Variants in ITGBL1 observed in about 807,000 individuals in gnomAD.
ITGBL1 encodes integrin beta-like protein 1.
ITGBL1 carries 51 observed loss-of-function variants against 68.5 expected under a neutral mutation model. The ratio of observed to expected loss-of-function variants is 0.74; its 90% CI spans 0.59 to 0.94. ITGBL1 has a LOEUF of 0.94. ITGBL1 is among the 40% of genes least tolerant of loss of function. The pLI, the probability that ITGBL1 is intolerant of heterozygous loss-of-function variation, is 0.00. For synonymous variants in ITGBL1, 209 were observed against 227.3 expected (o/e 0.92, Z 0.72); for missense variants, 649 against 647.4 (o/e 1.00, Z -0.03).
intron 2 of ITGBL1, among the ~76,000 whole-genome samples, chr13:101,549,348 G>A (rs2049881870): frequency 6.6e-6 from 1 of 151,830 alleles, no homozygotes; most frequent in Non-Finnish European, 1.5e-5. Flanking sequence ...GAAAGCATAA[G>A]AGAATTTGAT....
chr13:101,593,288 TAGAGA>T (rs957755225), intron 6 of ITGBL1, among the ~76,000 whole-genome samples: 4 of 151,674 alleles, frequency 2.6e-5, no homozygotes, highest in Admixed American at 6.6e-5. Context: ...GCAAGGGAGG[TAGAGA>T]AGAGAACACT....
chr13:101,602,715 A>G (rs2139338579), intron 7 of ITGBL1, among the ~76,000 whole-genome samples: 1 of 152,030 alleles, frequency 6.6e-6, no homozygotes, highest in East Asian at 1.9e-4. Context: ...GTTACCCTAT[A>G]GCAGCCACTC....
intron 2 of ITGBL1, among the ~76,000 whole-genome samples, chr13:101,522,081 G>T (rs543868629): frequency 6.6e-6 from 1 of 151,806 alleles, no homozygotes; most frequent in African/African-American, 2.4e-5. Flanking sequence ...TGAGTGCTCT[G>T]GTGTCTTCCT....
chr13:101,567,558 C>T, intron 2 of ITGBL1, 141 bp from the exon 3 acceptor site: 2 of 609,312 alleles, frequency 3.3e-6, no homozygotes, highest in South Asian at 3.2e-5. Context: ...ATAGCATTAC[C>T]CCTCAGCCAC....
At chr13:101,519,091 G>T (rs1254920965) in intron 2 of ITGBL1, among the ~76,000 whole-genome samples, 2 of 152,074 alleles carry the variant, frequency 1.3e-5, no homozygotes, top group South Asian at 2.1e-4. Context: ...TCAGTGGTAC[G>T]CATTAAAAAT....
At chr13:101,524,790 G>A (rs920987217) in intron 2 of ITGBL1, among the ~76,000 whole-genome samples, 1 of 151,858 alleles carries the variant, frequency 6.6e-6, no homozygotes, top group African/African-American at 2.4e-5. Context: ...TACGCCAACT[G>A]ACGTATAGCT....
At chr13:101,700,726 C>T (rs1469953624) in intron 8 of ITGBL1, among the ~76,000 whole-genome samples, 1 of 152,192 alleles carries the variant, frequency 6.6e-6, no homozygotes, top group Admixed American at 6.5e-5. Flanking sequence ...TCTTCAAACA[C>T]GTTGGCCTTC....
chr13:101,453,430 A>G (rs549825347), intron 1 of ITGBL1, among the ~76,000 whole-genome samples: 7 of 152,352 alleles, frequency 4.6e-5, no homozygotes, highest in African/African-American at 1.4e-4. Flanking sequence ...CTTTCTATAG[A>G]TTCACGTTTT....
chr13:101,694,449 A>G (rs920930554), intron 8 of ITGBL1, among the ~76,000 whole-genome samples: 55 of 151,734 alleles, frequency 3.6e-4, no homozygotes, highest in African/African-American at 1.3e-3. Context: ...TTTGAGACAG[A>G]GTCTCACTCT....
At chr13:101,611,706 G>A (rs950223577) in intron 7 of ITGBL1, among the ~76,000 whole-genome samples, 2 of 151,964 alleles carry the variant, frequency 1.3e-5, no homozygotes, top group East Asian at 1.9e-4. Flanking sequence ...AACCCTTCTC[G>A]GTGACCTTGA....
At chr13:101,717,239 G>A (rs934145267), downstream of ITGBL1, 8 of 152,002 alleles carry the variant, frequency 5.3e-5, no homozygotes, top group Non-Finnish European at 1.0e-4. Context: ...ATTATTTTAA[G>A]AGAACATTTA....
chr13:101,607,393 C>T (rs1173535670), intron 7 of ITGBL1, among the ~76,000 whole-genome samples: 3 of 151,986 alleles, frequency 2.0e-5, no homozygotes, highest in Non-Finnish European at 2.9e-5. Flanking sequence ...ATATATTAAA[C>T]ATATTTCCTG....
rs1239939780 is a variant in ITGBL1, at chr13:101,579,333, G to A, written c.633G>A (p.Trp211Ter). ...YCGNCYCKAG[W>*]HGDKCEFQCD... is the part of the protein sequence containing the mutation. ...GAAACTGCTACTGCAAGGCTGGTTGGCATGGAGATAAATGTGAATTCCAGT... is the reference window on the plus strand; with the variant it reads ...GAAACTGCTACTGCAAGGCTGGTTGACATGGAGATAAATGTGAATTCCAGT... Residue 211 changes from tryptophan to a stop codon, truncating the protein, a stop_gained, in exon 5 of 11, where the codon TGG becomes TGA. Coordinates refer to ENST00000376180, the MANE Select transcript of ITGBL1 (RefSeq NM_004791.3). LOFTEE classifies it high-confidence loss of function. 2 of 1,613,970 alleles carry A rather than the reference G, an allele frequency of 1.2e-6. No homozygotes were observed. Among genetic ancestry groups the A allele is most frequent in the African/African-American group, 1.3e-5 (1 of 75,042 alleles).
chr13:101,454,399 T>TTC (rs2048210934), intron 2 of ITGBL1, among the ~76,000 whole-genome samples: 2 of 135,806 alleles, frequency 1.5e-5, no homozygotes, highest in Non-Finnish European at 3.3e-5. Flanking sequence ...CCCTGGCTGG[T>TTC]CCCCCCCCCC....
In ITGBL1 at chr13:101,519,184, G is replaced by C. The variant is rs921290947; in HGVS notation, c.317-48515G>C. Among the ~76,000 whole-genome samples the C allele has an allele frequency of 5.5e-4, 83 of 152,094 alleles. 1 individual carries two copies. The highest frequency in any genetic ancestry group is 3.5e-4 in the Non-Finnish European group (24 of 68,024). ...AAACCTTTTTGGGGGTGATGTGAGAGACAGTACCCGGGCCTCTGCAAAAAT... is the reference window on the plus strand; with the variant it reads ...AAACCTTTTTGGGGGTGATGTGAGACACAGTACCCGGGCCTCTGCAAAAAT... On this transcript the variant is annotated intron_variant, in intron 2 of 10. Transcript: ENST00000376180.
intron 7 of ITGBL1, among the ~76,000 whole-genome samples, chr13:101,685,089 T>G (rs1377389324): frequency 6.6e-6 from 1 of 152,030 alleles, no homozygotes; most frequent in Non-Finnish European, 1.5e-5. Context: ...ACCATACTTG[T>G]TATTTCAGAC....
rs1457138511 is a variant in ITGBL1, at chr13:101,583,307, G to A, written c.819G>A (p.Glu273=). 4.3e-6 allele frequency: 7 copies of A among 1,613,118 alleles called. No homozygotes were observed. The highest frequency in any genetic ancestry group is 5.9e-6 in the Non-Finnish European group (7 of 1,179,590). ...DIHGDTCECD[E]RDCRAVYDRY... ...ATGGGGACACCTGTGAATGTGATGA[G>A]AGGGACTGTAGAGCTGTCTATGACC... The change falls in exon 6 of 11, where the codon GAG becomes GAA. Residue 273 remains glutamate (E), a synonymous_variant. Transcript: ENST00000376180.
chr13:101,566,562 G>A (rs2050186495), intron 2 of ITGBL1, among the ~76,000 whole-genome samples: 1 of 152,218 alleles, frequency 6.6e-6, no homozygotes, highest in South Asian at 2.1e-4. Context: ...CACATAAAGA[G>A]CAGTTTTAAA....
chr13:101,682,114 C>A (rs553773549), intron 7 of ITGBL1, among the ~76,000 whole-genome samples: 76 of 152,096 alleles, frequency 5.0e-4, no homozygotes, highest in Non-Finnish European at 9.9e-4. Context: ...GATTGTGGAA[C>A]AAGAGATGAC....
Sources: gnomAD v4.1 joint callset for allele counts (sites outside exome capture counted in the v4.1 genomes callset) on GRCh38, gnomAD v4.1.1 for gene constraint, MANE v1.5 for transcripts, NCBI Gene and HGNC (gene_info 2026-07-23, HGNC 2026-07-21) for gene names.